Variants in HNRNPLL observed in about 807,000 individuals in gnomAD.
HNRNPLL encodes heterogeneous nuclear ribonucleoprotein L like, also known as heterogeneous nuclear ribonucleoprotein L-like.
In HNRNPLL, 25 loss-of-function variants were observed where a neutral mutation model predicts 67.1. The observed-to-expected ratio is 0.37, with a 90% CI of 0.27 to 0.52. The LOEUF is 0.52. Ranked by LOEUF, HNRNPLL falls within the 20% of genes least tolerant of loss-of-function variation. HNRNPLL has a pLI of 0.90. For missense variants in HNRNPLL, 542 were observed against 673.9 expected (o/e 0.80, Z 2.17); for synonymous variants, 267 against 241.7 (o/e 1.10, Z -0.97).
chr2:38,596,819 C>G (rs1667211682), intron 1 of HNRNPLL, among the ~76,000 whole-genome samples: 1 of 151,964 alleles, frequency 6.6e-6, no homozygotes, highest in Non-Finnish European at 1.5e-5. Flanking sequence ...AAACAATATC[C>G]CAGCTGCGTA....
At chr2:38,572,776 G>C (rs1327881264) in intron 8 of HNRNPLL, among the ~76,000 whole-genome samples, 1 of 151,984 alleles carries the variant, frequency 6.6e-6, no homozygotes. Flanking sequence ...CTGGCATTTA[G>C]GAAGCAAGTG....
chr2:38,569,148 T>C lies in HNRNPLL; in HGVS notation c.1401A>G (p.Glu467=). Residue 467 remains glutamate, a synonymous_variant, in exon 10 of 13, where the codon GAA becomes GAG. Coordinates refer to ENST00000449105, the MANE Select transcript of HNRNPLL (RefSeq NM_138394.4). The part of the protein sequence containing the change: ...HYYNVPLCVT[E]ETFTKLCNDH... Reference sequence around the variant, plus strand: ...CAGTGCCTACCTTTGTGAAGGTCTCTTCTGTGACACACAATGGAACATTAT... The same window carrying C: ...CAGTGCCTACCTTTGTGAAGGTCTCCTCTGTGACACACAATGGAACATTAT... The C allele has an allele frequency of 6.2e-7, 1 of 1,607,838 alleles. No homozygotes were observed. The highest frequency in any genetic ancestry group is 1.1e-5 in the South Asian group (1 of 90,952).
intron 6 of HNRNPLL, among the ~76,000 whole-genome samples, chr2:38,579,748 T>C (rs1032392072): frequency 6.6e-6 from 1 of 151,712 alleles, no homozygotes; most frequent in African/African-American, 2.4e-5. Flanking sequence ...TTTATTTTTT[T>C]TGGTTAAAAA....
At chr2:38,598,014 CTTT>C (rs530992607) in intron 1 of HNRNPLL, among the ~76,000 whole-genome samples, 1 of 145,402 alleles carries the variant, frequency 6.9e-6, no homozygotes, top group Admixed American at 6.9e-5. Context: ...AAAAAACAAA[CTTT>C]TTTTTTTTTT....
intron 6 of HNRNPLL, chr2:38,581,289 T>C (rs1209533271): frequency 6.6e-6 from 1 of 152,282 alleles, no homozygotes; most frequent in East Asian, 1.9e-4. Flanking sequence ...ACTGAAACCT[T>C]AAGGGAAATC....
chr2:38,583,388 T>C (rs1330520584), intron 4 of HNRNPLL, among the ~76,000 whole-genome samples: 1 of 152,198 alleles, frequency 6.6e-6, no homozygotes, highest in African/African-American at 2.4e-5. Context: ...GAAAGTGTAT[T>C]ATCTATACTA....
intron 3 of HNRNPLL, among the ~76,000 whole-genome samples, chr2:38,585,152 C>T (rs1666677353): frequency 6.6e-6 from 1 of 152,104 alleles, no homozygotes; most frequent in Non-Finnish European, 1.5e-5. Context: ...GGAAACAAAT[C>T]CTTTTTAAAA....
chr2:38,602,576 C>G lies in HNRNPLL; in HGVS notation c.51G>C (p.Glu17Asp), dbSNP rs773498370. Residue 17 changes from glutamate (E) to aspartate (D), a missense_variant, in exon 1 of 13, where the codon GAG becomes GAC. Physicochemically the swap from Glu to Asp is conservative, Grantham distance 45. Coordinates refer to ENST00000449105, the MANE Select transcript of HNRNPLL (RefSeq NM_138394.4). ...TGAGACGCTTGGCCTGGCTCTCGTACTCCCGGTCCTCCTCGTACGTCTCCC... is the reference window on the plus strand; with the variant it reads ...TGAGACGCTTGGCCTGGCTCTCGTAGTCCCGGTCCTCCTCGTACGTCTCCC... ...SPRETYEEDREYESQAKRLKT... is the reference protein window; with the variant it reads ...SPRETYEEDRDYESQAKRLKT... 6.4e-6 allele frequency: 10 copies of G among 1,573,178 alleles called. No homozygotes were observed. The highest frequency in any genetic ancestry group is 8.6e-6 in the Non-Finnish European group (10 of 1,161,280).
At chr2:38,602,011 A>G (rs938016506) in intron 1 of HNRNPLL, 2 of 191,276 alleles carry the variant, frequency 1.0e-5, no homozygotes, top group Non-Finnish European at 2.1e-5. Flanking sequence ...GAACCGACGC[A>G]ACCATCCCGG....
intron 1 of HNRNPLL, among the ~76,000 whole-genome samples, chr2:38,593,798 G>C (rs1667061479): frequency 6.6e-6 from 1 of 151,972 alleles, no homozygotes; most frequent in Non-Finnish European, 1.5e-5. Context: ...AGGAGGCACA[G>C]GCTGCAGTGA....
At chr2:38,600,860 G>A (rs773116820) in intron 1 of HNRNPLL, among the ~76,000 whole-genome samples, 3 of 151,908 alleles carry the variant, frequency 2.0e-5, no homozygotes, top group Non-Finnish European at 4.4e-5. Context: ...TTAATTATAT[G>A]TTATTTTCTT....
chr2:38,573,980 G>C (rs1346039831), intron 7 of HNRNPLL, among the ~76,000 whole-genome samples: 1 of 151,850 alleles, frequency 6.6e-6, no homozygotes, highest in African/African-American at 2.4e-5. Flanking sequence ...CCTAGATTTA[G>C]TTAATAACTC....
At chr2:38,568,499 T>A in intron 10 of HNRNPLL, 56 bp from the exon 11 acceptor site, 1 of 1,159,646 alleles carries the variant, frequency 8.6e-7, no homozygotes, top group South Asian at 1.4e-5. Flanking sequence ...ATCCCACTTT[T>A]TTACAGAAAG....
chr2:38,580,141 A>G (rs1666467011), intron 6 of HNRNPLL, among the ~76,000 whole-genome samples: 1 of 152,214 alleles, frequency 6.6e-6, no homozygotes, highest in Admixed American at 6.5e-5. Context: ...TGTAACCACA[A>G]CTATTTCAAA....
chr2:38,591,526 T>G lies in HNRNPLL; in HGVS notation c.308+4A>C, dbSNP rs745660504. ...AATCTACATGAAGTCCCTATCATCC[T>G]TACCATATTGTCCCAAATTTTTCCA... is the stretch of plus-strand genomic sequence containing the variant. On this transcript the variant is annotated splice_donor_region_variant and intron_variant, in intron 2 of 12. Transcript: ENST00000449105. 9 of 1,496,710 alleles carry G rather than the reference T, an allele frequency of 6.0e-6. No individual in the cohort carries two copies. The Admixed American group carries it at 1.3e-4, about 22-fold the overall frequency. The allele number at this position is 1,496,710 out of a possible 1,614,324, so 92.7% of individuals were successfully genotyped here. A position where few individuals can be genotyped will look rare whatever the true frequency, so the allele number is the denominator to read the frequency against.
rs760569244 is a variant in HNRNPLL, at chr2:38,582,043, T to C, written c.729+29A>G. The C allele has an allele frequency of 5.6e-6, 9 of 1,602,062 alleles. No homozygotes were observed. The East Asian group carries it at 1.3e-4, about 24-fold the overall frequency. On this transcript the variant is annotated intron_variant, in intron 5 of 12. Transcript: ENST00000449105. ...TGCATATCCAAAGCATAAATATTTC[T>C]TGGGTAGGGTGTTGAAAAAAATATT...
At chr2:38,594,713 C>A (rs564564780) in intron 1 of HNRNPLL, among the ~76,000 whole-genome samples, 1 of 152,188 alleles carries the variant, frequency 6.6e-6, no homozygotes, top group East Asian at 1.9e-4. Context: ...CTTTGGGAGG[C>A]TGACACAGGC....
At chr2:38,577,424 TC>T (rs1242716434) in intron 7 of HNRNPLL, 36 bp downstream of exon 7, 7 of 1,246,930 alleles carry the variant, frequency 5.6e-6, no homozygotes, top group African/African-American at 1.5e-5. Flanking sequence ...GTCAAACAGT[TC>T]ATCTATACTA....
At chr2:38,581,558 G>T in intron 6 of HNRNPLL, 1 of 329,150 alleles carries the variant, frequency 3.0e-6, no homozygotes. Flanking sequence ...TTGGGGGAAA[G>T]TCCTTTCCAT....
Sources: allele counts gnomAD v4.1 joint callset (sites outside exome capture counted in the v4.1 genomes callset), GRCh38; gene constraint gnomAD v4.1.1; transcripts MANE v1.5; gene names NCBI Gene and HGNC (gene_info 2026-07-23, HGNC 2026-07-21).